Variants in ZBTB16 observed in about 807,000 individuals in gnomAD.
The protein encoded by ZBTB16 is zinc finger and BTB domain containing 16.
A neutral mutation model predicts 56.8 loss-of-function variants in ZBTB16; 8 were observed. That is an observed-to-expected ratio of 0.14 (90% CI 0.08 to 0.25). The LOEUF is 0.25. ZBTB16 is among the 10% of genes least tolerant of loss of function. ZBTB16 has a pLI of 1.00. For missense variants in ZBTB16, 625 were observed against 903.0 expected (o/e 0.69, Z 3.95); for synonymous variants, 363 against 368.5 (o/e 0.98, Z 0.17).
chr11:114,181,967 C>T (rs555950837), intron 3 of ZBTB16, among the ~76,000 whole-genome samples: 1 of 152,324 alleles, frequency 6.6e-6, no homozygotes, highest in Non-Finnish European at 1.5e-5. Flanking sequence ...GATGTCAGTG[C>T]ATCAGCAAGG....
intron 2 of ZBTB16, among the ~76,000 whole-genome samples, chr11:114,139,557 C>T (rs775731431): frequency 5.9e-5 from 9 of 151,958 alleles, no homozygotes; most frequent in South Asian, 2.1e-4. Flanking sequence ...CTTCTCCCCC[C>T]CCAAAGACCA....
intron 3 of ZBTB16, among the ~76,000 whole-genome samples, chr11:114,181,996 T>C (rs1943260870): frequency 6.6e-6 from 1 of 152,176 alleles, no homozygotes; most frequent in Middle Eastern, 3.2e-3. Flanking sequence ...GACTACGCTG[T>C]GTAAAAGAAC....
chr11:114,219,635 C>A (rs1368517630), intron 4 of ZBTB16, among the ~76,000 whole-genome samples: 1 of 149,718 alleles, frequency 6.7e-6, no homozygotes, highest in Non-Finnish European at 1.5e-5. Flanking sequence ...TTTTTTCTTG[C>A]TCTGGAGGAA....
intron 2 of ZBTB16, chr11:114,121,981 T>C (rs1262382100): frequency 5.7e-6 from 2 of 350,832 alleles, no homozygotes; most frequent in Non-Finnish European, 1.1e-5. Context: ...CCACAGATTT[T>C]ACTGAGGACT....
chr11:114,202,693 T>C (rs1943761574), intron 4 of ZBTB16, among the ~76,000 whole-genome samples: 1 of 152,234 alleles, frequency 6.6e-6, no homozygotes, highest in Non-Finnish European at 1.5e-5. Flanking sequence ...AGATTCCTGC[T>C]TAGAGGCATA....
chr11:114,087,502 C>A (rs1439002676), intron 2 of ZBTB16, among the ~76,000 whole-genome samples: 3 of 152,196 alleles, frequency 2.0e-5, no homozygotes, highest in African/African-American at 7.2e-5. Flanking sequence ...TTCCCAGGCA[C>A]CCAACTGCAG....
At chr11:114,203,704 A>C (rs191494732) in intron 4 of ZBTB16, among the ~76,000 whole-genome samples, 1 of 152,312 alleles carries the variant, frequency 6.6e-6, no homozygotes, top group East Asian at 1.9e-4. Context: ...CCAACCTCCT[A>C]TACCTGCGGC....
intron 4 of ZBTB16, among the ~76,000 whole-genome samples, chr11:114,228,891 A>C (rs1284178612): frequency 6.6e-6 from 1 of 152,294 alleles, no homozygotes; most frequent in East Asian, 1.9e-4. Context: ...TCCTGGTGTG[A>C]ATGCAGGCCT....
rs538118101 is a variant in ZBTB16, at chr11:114,123,406, C to T, written c.1269-32931C>T. ...CAGATTAGAATCTAAACCTCATTGT[C>T]GAACTCAAACACATTGCACTTGGGG... On this transcript the variant is annotated intron_variant, in intron 2 of 6. Coordinates refer to ENST00000335953, the MANE Select transcript of ZBTB16 (RefSeq NM_006006.6). Among the ~76,000 whole-genome samples the T allele has an allele frequency of 5.9e-5, 9 of 152,208 alleles. 1 individual carries two copies. The highest frequency in any genetic ancestry group is 1.4e-4 in the African/African-American group (6 of 41,524).
At chr11:114,209,685 G>A (rs1254592957) in intron 4 of ZBTB16, 4 of 985,348 alleles carry the variant, frequency 4.1e-6, no homozygotes, top group African/African-American at 1.7e-5. Flanking sequence ...CTGTTGGTCA[G>A]AGCAGGAGGC....
Position 114,156,333 on chromosome 11 carries a change from A to C in ZBTB16, c.1269-4A>C, listed in dbSNP as rs767053945. ...AGCAACCTCTCTTTTCCTTTCCCTT[A>C]CAGGAAGCTGCACAGTGGGATGAAG... On this transcript the variant is annotated splice_region_variant and splice_polypyrimidine_tract_variant and intron_variant, in intron 2 of 6. Transcript: ENST00000335953. 3 of 1,613,950 alleles carry C rather than the reference A, an allele frequency of 1.9e-6. No individual in the cohort carries two copies. In the Admixed American group the frequency reaches 5.0e-5, roughly 27 times the overall value.
intron 2 of ZBTB16, among the ~76,000 whole-genome samples, chr11:114,146,524 T>G (rs540208071): frequency 9.2e-5 from 14 of 152,270 alleles, no homozygotes; most frequent in African/African-American, 3.1e-4. Context: ...AGACATGATC[T>G]ATAAATGCAT....
rs968277259 is a variant in ZBTB16 at position 114,063,188 on chromosome 11, T to G, written c.-90-23T>G. The G allele has an allele frequency of 8.3e-7, 1 of 1,210,950 alleles. No homozygotes were observed. The highest frequency in any genetic ancestry group is 1.5e-5 in the African/African-American group (1 of 66,244). The allele number at this position is 1,210,950 out of a possible 1,614,324, so 75.0% of individuals were successfully genotyped here. A position where few individuals can be genotyped will look rare whatever the true frequency, so the allele number is the denominator to read the frequency against. On this transcript the variant is annotated intron_variant, in intron 1 of 6. Coordinates refer to ENST00000335953, the MANE Select transcript of ZBTB16 (RefSeq NM_006006.6). This position sits in a 1 kb window ranked among gnomAD's most constrained non-coding sequence, Gnocchi z 6.5. ...CTTTTGTTCTCTCATCTCTTTTGCTTCTTCCCCTCTTCTTTCTCCTAGCCT... is the reference window on the plus strand; with the variant it reads ...CTTTTGTTCTCTCATCTCTTTTGCTGCTTCCCCTCTTCTTTCTCCTAGCCT...
chr11:114,204,056 C>G (rs999857368), intron 4 of ZBTB16, among the ~76,000 whole-genome samples: 1 of 152,106 alleles, frequency 6.6e-6, no homozygotes, highest in Non-Finnish European at 1.5e-5. Flanking sequence ...ACCCAGGCAC[C>G]CCATTTTAAG....
chr11:114,148,290 C>T, intron 2 of ZBTB16, among the ~76,000 whole-genome samples: 1 of 151,844 alleles, frequency 6.6e-6, no homozygotes, highest in Non-Finnish European at 1.5e-5. Flanking sequence ...TCCAGATTGG[C>T]CTTCATCCAG....
At chr11:114,175,069 G>T (rs1269225220) in intron 3 of ZBTB16, among the ~76,000 whole-genome samples, 1 of 152,246 alleles carries the variant, frequency 6.6e-6, no homozygotes, top group African/African-American at 2.4e-5. Flanking sequence ...TTAAAGAGAT[G>T]ATGATACATC....
chr11:114,064,595 G>C lies in ZBTB16; in HGVS notation c.1268+27G>C, dbSNP rs751148308. ...TAGGCCCCGCTCCAGCCCCGCACCT[G>C]ATGTAGGACTTGAGGCCCTCACACC... On this transcript the variant is annotated intron_variant, in intron 2 of 6. Transcript: ENST00000335953. This position sits in a 1 kb window ranked among gnomAD's most constrained non-coding sequence, Gnocchi z 4.2. The C allele has an allele frequency of 5.0e-6, 8 of 1,611,976 alleles. No individual in the cohort carries two copies. The East Asian group carries it at 1.6e-4, about 31-fold the overall frequency.
rs1023588395 is a variant in ZBTB16, at chr11:114,251,730, C to T, written c.*1175C>T. 1.3e-5 allele frequency among the ~76,000 whole-genome samples: 2 copies of T among 152,138 alleles called. No homozygotes were observed. Among genetic ancestry groups the T allele is most frequent in the Admixed American group, 1.3e-4 (2 of 15,272 alleles). ...AGAATTCCTGACTCACAGCGCCCCT[C>T]GGTCCACAGTGGAGAGGAGGAGGAG... is the stretch of plus-strand genomic sequence containing the variant. On this transcript the variant is annotated 3_prime_UTR_variant, in exon 7 of 7. Coordinates refer to ENST00000335953, the MANE Select transcript of ZBTB16 (RefSeq NM_006006.6).
At chr11:114,104,964 A>G (rs1356366497) in intron 2 of ZBTB16, among the ~76,000 whole-genome samples, 2 of 152,116 alleles carry the variant, frequency 1.3e-5, no homozygotes, top group Non-Finnish European at 2.9e-5. Flanking sequence ...AGGCCGTGGT[A>G]CTTGCCTTTT....
Sources: gnomAD v4.1 joint callset for allele counts (sites outside exome capture counted in the v4.1 genomes callset) on GRCh38, gnomAD v4.1.1 for gene constraint, Gnocchi (gnomAD v3.1) non-coding constraint, MANE v1.5 for transcripts, NCBI Gene and HGNC (gene_info 2026-07-23, HGNC 2026-07-21) for gene names.